GPHN: variants seen among roughly 807,000 people sequenced by gnomAD.
GPHN encodes gephyrin.
GPHN carries 17 observed loss-of-function variants against 95.5 expected under a neutral mutation model. The observed-to-expected ratio is 0.18, with a 90% CI of 0.12 to 0.27. The LOEUF is 0.27. Among genes scored for constraint, GPHN ranks in the 10% least tolerant of loss-of-function variants. The pLI is 1.00. For missense variants in GPHN, 660 were observed against 978.1 expected, an observed-to-expected ratio of 0.67 and a Z score of 4.34; for synonymous variants, 320 against 322.5, an observed-to-expected ratio of 0.99 and a Z score of 0.08.
intron 4 of GPHN, among the ~76,000 whole-genome samples, chr14:66,841,857 C>T (rs1437551423): frequency 3.3e-5 from 5 of 151,720 alleles, no homozygotes; most frequent in Admixed American, 1.3e-4. Flanking sequence ...CCTGGACAAC[C>T]GGGTGAAACC....
chr14:67,046,453 A>C (rs894429569), intron 10 of GPHN, among the ~76,000 whole-genome samples: 4 of 152,194 alleles, frequency 2.6e-5, no homozygotes, highest in African/African-American at 7.2e-5. Flanking sequence ...GTGATGGAAT[A>C]ATGAGAGATG....
chr14:66,959,533 A>G (rs1223523490), intron 8 of GPHN, among the ~76,000 whole-genome samples: 1 of 152,106 alleles, frequency 6.6e-6, no homozygotes, highest in South Asian at 2.1e-4. Flanking sequence ...TAGTTTTATC[A>G]GATATAGAAT....
At chr14:67,313,942 G>T in the GPHN span, among the ~76,000 whole-genome samples, 1 of 149,772 alleles carries the variant, frequency 6.7e-6, no homozygotes, top group Non-Finnish European at 1.5e-5. Context: ...AATAAAAGAT[G>T]ATTTTAAAAG....
At chr14:67,359,250 T>G in the GPHN span, among the ~76,000 whole-genome samples, 1 of 152,166 alleles carries the variant, frequency 6.6e-6, no homozygotes, top group Non-Finnish European at 1.5e-5. Context: ...CTCAGAGCAT[T>G]TATTAAAACC....
At position 66,776,519 on chromosome 14, in the gene GPHN, A is replaced by G; in HGVS notation, c.199A>G (p.Lys67Glu). The G allele has an allele frequency of 1.3e-6, 2 of 1,554,634 alleles. No individual in the cohort carries two copies. Among genetic ancestry groups the G allele is most frequent in the Non-Finnish European group, 1.8e-6 (2 of 1,126,844 alleles). The change falls in exon 3 of 23, where the codon AAG becomes GAG. Residue 67 changes from lysine to glutamate, a missense_variant and splice_region_variant. Coordinates refer to ENST00000478722, the MANE Select transcript of GPHN (RefSeq NM_020806.5). ...AGTACCAGATGAAATAGAAGAAATC[A>G]AGGTATAGTATGGCATTTTTCACCT... ...KIVPDEIEEI[K>E]ETLIDWCDEK...
chr14:67,222,533 C>T, the GPHN span, among the ~76,000 whole-genome samples: 1 of 152,138 alleles, frequency 6.6e-6, no homozygotes, highest in African/African-American at 2.4e-5. Flanking sequence ...ACCTGGGCCT[C>T]CCAAAGTGCT....
At chr14:66,630,896 C>T (rs1423831143) in intron 1 of GPHN, among the ~76,000 whole-genome samples, 3 of 120,256 alleles carry the variant, frequency 2.5e-5, no homozygotes, top group South Asian at 3.2e-4. Context: ...CTTTTATCTT[C>T]GACCTATTTA....
At chr14:66,776,790 C>G (rs2059397009) in intron 3 of GPHN, among the ~76,000 whole-genome samples, 1 of 152,056 alleles carries the variant, frequency 6.6e-6, no homozygotes, top group Admixed American at 6.6e-5. Context: ...TAAGAAAACA[C>G]TGTGTATAAG....
chr14:67,516,880 G>A, the GPHN span, among the ~76,000 whole-genome samples: 3 of 152,180 alleles, frequency 2.0e-5, no homozygotes, highest in Non-Finnish European at 4.4e-5. Flanking sequence ...AGACAGCCAC[G>A]TGCTACCAGT....
chr14:67,608,326 T>G, the GPHN span, among the ~76,000 whole-genome samples: 1 of 152,198 alleles, frequency 6.6e-6, no homozygotes, highest in Non-Finnish European at 1.5e-5. Context: ...TACAGGATAA[T>G]GGCTATTTAC....
intron 1 of GPHN, among the ~76,000 whole-genome samples, chr14:66,665,729 A>C (rs1465227470): frequency 6.6e-6 from 1 of 152,216 alleles, no homozygotes; most frequent in Non-Finnish European, 1.5e-5. Context: ...ATACCATGTG[A>C]CCCAGCCATC....
chr14:67,518,847 C>G, the GPHN span, among the ~76,000 whole-genome samples: 1 of 152,116 alleles, frequency 6.6e-6, no homozygotes, highest in South Asian at 2.1e-4. Context: ...GAGGAACTGA[C>G]CTGCAGCCCG....
intron 1 of GPHN, among the ~76,000 whole-genome samples, chr14:66,578,843 G>T (rs979396341): frequency 2.6e-5 from 4 of 151,702 alleles, no homozygotes; most frequent in Non-Finnish European, 5.9e-5. Flanking sequence ...TAAGCTGAAA[G>T]AAAAGGATGG....
At chr14:67,101,106 A>G (rs1482515666) in intron 13 of GPHN, among the ~76,000 whole-genome samples, 195 bp downstream of exon 13, 1 of 152,202 alleles carries the variant, frequency 6.6e-6, no homozygotes, top group Non-Finnish European at 1.5e-5. Flanking sequence ...ATCTATTAAT[A>G]TATGTCATAG....
chr14:66,703,148 TA>T lies in GPHN; in HGVS notation c.143+21968del, dbSNP rs559520522. The stretch of plus-strand genomic sequence containing the variant: ...CCAAGAAATATGGGACTTCAGCGTT[TA>T]AAAAGACCAAATCTATGATTAACTG... On this transcript the variant is annotated intron_variant, in intron 2 of 22. Transcript: ENST00000478722. Among the ~76,000 whole-genome samples, 507 of 152,102 alleles carry T rather than the reference TA, an allele frequency of 3.3e-3. 3 individuals carry two copies. Among genetic ancestry groups the T allele is most frequent in the African/African-American group, 0.011 (473 of 41,486 alleles).
the GPHN span, among the ~76,000 whole-genome samples, chr14:67,411,422 C>T: frequency 6.6e-6 from 1 of 152,098 alleles, no homozygotes; most frequent in Non-Finnish European, 1.5e-5. Flanking sequence ...TGTCAGTACC[C>T]ACCGTGTATG....
At chr14:67,659,826 G>C in the GPHN span, 1 of 1,614,174 alleles carries the variant, frequency 6.2e-7, no homozygotes, top group Non-Finnish European at 8.5e-7. Context: ...TCCCGATGGA[G>C]TTTAGCAAGG....
At chr14:67,063,950 C>G (rs1389541892) in intron 11 of GPHN, among the ~76,000 whole-genome samples, 2 of 152,120 alleles carry the variant, frequency 1.3e-5, no homozygotes, top group African/African-American at 4.8e-5. Context: ...TTGTCCCTGG[C>G]CAGAACTTCC....
chr14:67,612,145 G>A, the GPHN span, among the ~76,000 whole-genome samples: 5 of 152,284 alleles, frequency 3.3e-5, no homozygotes, highest in East Asian at 5.8e-4. Context: ...AGCTTCACTC[G>A]CTTGCTTGCC....
Sources: allele counts gnomAD v4.1 joint callset (sites outside exome capture counted in the v4.1 genomes callset), GRCh38; gene constraint gnomAD v4.1.1; transcripts MANE v1.5; gene names NCBI Gene and HGNC (gene_info 2026-07-23, HGNC 2026-07-21).